MAST4: variants seen among roughly 807,000 people sequenced by gnomAD.
MAST4 encodes microtubule-associated serine/threonine-protein kinase 4.
Under a neutral mutation model 162.7 loss-of-function variants are expected in MAST4, and 89 were observed. The observed-to-expected ratio is 0.55, with a 90% CI of 0.46 to 0.65. The LOEUF is 0.65. Ranked by LOEUF, MAST4 falls within the 30% of genes least tolerant of loss-of-function variation. MAST4 has a pLI of 0.00. For missense variants in MAST4, 3,153 were observed against 3,374.0 expected, an observed-to-expected ratio of 0.93 and a Z score of 1.62; for synonymous variants, 1,479 against 1,361.1, an observed-to-expected ratio of 1.09 and a Z score of -1.91.
intron 3 of MAST4, among the ~76,000 whole-genome samples, chr5:66,816,989 C>T (rs1756759528): frequency 2.0e-5 from 3 of 152,204 alleles, no homozygotes; most frequent in African/African-American, 7.2e-5. Flanking sequence ...GTCTCTCAAA[C>T]CTACCCTTAC....
chr5:66,702,622 A>G (rs1185637399), intron 1 of MAST4, among the ~76,000 whole-genome samples: 2 of 152,202 alleles, frequency 1.3e-5, no homozygotes, highest in East Asian at 3.9e-4. Context: ...TTTCAGGCAG[A>G]GGAGCAGCAA....
At chr5:66,812,281 A>G (rs1756515490) in intron 3 of MAST4, among the ~76,000 whole-genome samples, 1 of 152,214 alleles carries the variant, frequency 6.6e-6, no homozygotes, top group Admixed American at 6.5e-5. Context: ...ATTTTTATCG[A>G]TTTAGGGATT....
chr5:66,960,530 G>A (rs951236122), intron 4 of MAST4, among the ~76,000 whole-genome samples: 7 of 152,018 alleles, frequency 4.6e-5, no homozygotes, highest in Non-Finnish European at 7.4e-5. Flanking sequence ...TATTTTAGTG[G>A]CATGCACTCA....
At chr5:67,124,348 G>T (rs1029915069) in intron 14 of MAST4, among the ~76,000 whole-genome samples, 4 of 152,134 alleles carry the variant, frequency 2.6e-5, no homozygotes, top group Non-Finnish European at 5.9e-5. Flanking sequence ...AACACTGGGA[G>T]GTTTACAGTC....
At chr5:66,788,816 T>G (rs1309736562) in intron 3 of MAST4, 22 bp downstream of exon 3, 1 of 1,533,154 alleles carries the variant, frequency 6.5e-7, no homozygotes. Context: ...CGGGCGCCGG[T>G]GGAGGCTGCT....
chr5:66,737,058 G>A (rs1752197866), intron 1 of MAST4, among the ~76,000 whole-genome samples: 1 of 152,168 alleles, frequency 6.6e-6, no homozygotes, highest in South Asian at 2.1e-4. Context: ...CTTTTCCTGT[G>A]TAAGAAATTA....
At chr5:67,056,188 G>A (rs1758795022) in intron 5 of MAST4, among the ~76,000 whole-genome samples, 2 of 151,962 alleles carry the variant, frequency 1.3e-5, no homozygotes, top group Admixed American at 1.3e-4. Context: ...ATATAATTAG[G>A]GAGCGGGTGT....
intron 5 of MAST4, among the ~76,000 whole-genome samples, chr5:67,064,191 A>C (rs981688430): frequency 6.6e-6 from 1 of 152,128 alleles, no homozygotes; most frequent in Admixed American, 6.5e-5. Context: ...TGGCTCTACA[A>C]TGCTAACATT....
chr5:66,623,188 A>G (rs150954882), intron 1 of MAST4: 12 of 152,344 alleles, frequency 7.9e-5, no homozygotes, highest in African/African-American at 2.4e-4. Flanking sequence ...CTGTAGCTAC[A>G]AGGATTATGG....
chr5:66,870,692 C>T, intron 3 of MAST4: 1 of 449,666 alleles, frequency 2.2e-6, no homozygotes. Flanking sequence ...GTCCCTCTCC[C>T]TTTTCTGACC....
intron 4 of MAST4, among the ~76,000 whole-genome samples, chr5:66,909,595 T>C (rs909540869): frequency 2.0e-5 from 3 of 152,186 alleles, no homozygotes; most frequent in Admixed American, 2.0e-4. Flanking sequence ...TATATGTTGA[T>C]TGCAAACCAT....
At chr5:67,053,814 A>G (rs1183930531) in intron 4 of MAST4, among the ~76,000 whole-genome samples, 1 of 152,198 alleles carries the variant, frequency 6.6e-6, no homozygotes, top group Non-Finnish European at 1.5e-5. Flanking sequence ...CATCACTATT[A>G]TTTTAATACA....
chr5:66,727,215 AC>A (rs1751578699), intron 1 of MAST4, among the ~76,000 whole-genome samples: 1 of 152,204 alleles, frequency 6.6e-6, no homozygotes, highest in Admixed American at 6.5e-5. Flanking sequence ...CACACACATA[AC>A]TAACTGGTCA....
At chr5:66,829,089 A>G (rs565927893) in intron 3 of MAST4, among the ~76,000 whole-genome samples, 1 of 152,240 alleles carries the variant, frequency 6.6e-6, no homozygotes, top group South Asian at 2.1e-4. Flanking sequence ...GACAATAGAT[A>G]TGACTTTTAG....
intron 5 of MAST4, among the ~76,000 whole-genome samples, chr5:67,075,954 G>A (rs1184381566): frequency 6.6e-6 from 1 of 151,914 alleles, no homozygotes; most frequent in Non-Finnish European, 1.5e-5. Context: ...AGTAGTCCTG[G>A]GAAACTAGTC....
In MAST4 at chr5:67,038,233, T is replaced by C. The variant is rs1243706148; in HGVS notation, c.675-16171T>C. Among the ~76,000 whole-genome samples, 22 of 107,898 alleles carry C rather than the reference T, an allele frequency of 2.0e-4. No individual in the cohort carries two copies. The Admixed American group carries it at 2.7e-3, about 13-fold the overall frequency. The allele number at this position is 107,898 out of a possible 152,430, so 70.8% of individuals were successfully genotyped here. ...GCTGCTTTATCTTTATTTTTGCCTTTAGTTTCTCTTTTTTTTTTTTTTTAA... is the reference window on the plus strand; with the variant it reads ...GCTGCTTTATCTTTATTTTTGCCTTCAGTTTCTCTTTTTTTTTTTTTTTAA... On this transcript the variant is annotated intron_variant, in intron 4 of 28. Coordinates refer to ENST00000403625, the MANE Select transcript of MAST4 (RefSeq NM_001164664.2).
intron 4 of MAST4, among the ~76,000 whole-genome samples, chr5:67,031,300 G>A (rs974164877): frequency 4.6e-5 from 7 of 152,144 alleles, no homozygotes; most frequent in Non-Finnish European, 7.3e-5. Context: ...GCAGAGGAGG[G>A]TCGTCTCTTG....
At position 67,164,703 on chromosome 5, in the gene MAST4, G is replaced by A. The variant is rs768197507; in HGVS notation, c.5524G>A (p.Val1842Ile). ...SGDVRASVPP[V>I]LPSSSGKKND... ...TGACGTGAGGGCCTCTGTGCCACCA[G>A]TTCTCCCCAGCAGCAGTGGGAAAAA... is the stretch of plus-strand genomic sequence containing the variant. The change falls in exon 29 of 29, where the codon GTT becomes ATT. Residue 1842 changes from valine to isoleucine, a missense_variant. By Grantham distance (29) the Val-to-Ile change is conservative. Around this residue, in one of 7 missense-constraint regions of MAST4, gnomAD observed 1,644 missense variants for 1,495.0 expected, o/e 1.10. Transcript: ENST00000403625. This position sits in a 1 kb window ranked among gnomAD's most constrained non-coding sequence, Gnocchi z 5.3. The A allele has an allele frequency of 7.4e-6, 12 of 1,613,864 alleles. No homozygotes were observed. In the South Asian group the frequency reaches 1.3e-4, roughly 18 times the overall value.
chr5:66,802,076 G>T (rs983518522), intron 3 of MAST4, among the ~76,000 whole-genome samples: 2 of 152,006 alleles, frequency 1.3e-5, no homozygotes, highest in African/African-American at 4.8e-5. Flanking sequence ...ATTTAAATAA[G>T]CCCTCTTATC....
Sources: gnomAD v4.1 joint callset for allele counts (sites outside exome capture counted in the v4.1 genomes callset) on GRCh38, gnomAD v4.1.1 for gene constraint, gnomAD v4.1.1 regional missense constraint, Gnocchi (gnomAD v3.1) non-coding constraint, MANE v1.5 for transcripts, NCBI Gene and HGNC (gene_info 2026-07-23, HGNC 2026-07-21) for gene names.